AOPEP: variants seen among roughly 807,000 people sequenced by gnomAD.
The protein encoded by AOPEP is aminopeptidase O (putative), also known as aminopeptidase O.
AOPEP carries 77 observed loss-of-function variants against 98.1 expected under a neutral mutation model. The ratio of observed to expected loss-of-function variants is 0.78; its 90% CI spans 0.65 to 0.95. The LOEUF (loss-of-function observed/expected upper bound fraction) is 0.95. Among genes scored for constraint, AOPEP ranks in the 40% least tolerant of loss-of-function variants. AOPEP has a pLI of 0.00. For missense variants in AOPEP, 1,024 were observed against 1,024.7 expected, an observed-to-expected ratio of 1.00 and a Z score of 0.01; for synonymous variants, 346 against 365.3, an observed-to-expected ratio of 0.95 and a Z score of 0.60.
intron 13 of AOPEP, among the ~76,000 whole-genome samples, chr9:95,024,305 C>G (rs2063678409): frequency 6.6e-6 from 1 of 152,188 alleles, no homozygotes; most frequent in African/African-American, 2.4e-5. Context: ...TTTCCATAGT[C>G]CGTGTCCTTG....
chr9:94,912,940 C>A (rs1564369272), intron 5 of AOPEP, among the ~76,000 whole-genome samples: 1 of 152,218 alleles, frequency 6.6e-6, no homozygotes, highest in Non-Finnish European at 1.5e-5. Flanking sequence ...GATATTGTTT[C>A]AAGAAAGGAA....
intron 5 of AOPEP, among the ~76,000 whole-genome samples, chr9:94,851,844 C>T (rs1386684914): frequency 1.3e-5 from 2 of 150,612 alleles, no homozygotes. Flanking sequence ...TGATTCCCAT[C>T]CCTGGAGGTG....
At chr9:94,868,761 C>T (rs568567462) in intron 5 of AOPEP, among the ~76,000 whole-genome samples, 25 of 152,294 alleles carry the variant, frequency 1.6e-4, no homozygotes, top group Non-Finnish European at 3.2e-4. Context: ...GATTTCATTC[C>T]TTTCCCTGCC....
intron 13 of AOPEP, among the ~76,000 whole-genome samples, chr9:95,011,211 A>ATT (rs71366270): frequency 4.4e-5 from 5 of 112,788 alleles, no homozygotes; most frequent in Admixed American, 8.9e-5. Context: ...CTAGCCATTG[A>ATT]TTTTTTTTTT....
intron 13 of AOPEP, among the ~76,000 whole-genome samples, chr9:95,054,550 C>T (rs1244614723): frequency 2.0e-5 from 3 of 152,126 alleles, no homozygotes; most frequent in African/African-American, 7.2e-5. Context: ...AATCTGGAAA[C>T]ATGAGAATTA....
chr9:95,058,568 T>C (rs2067036617), intron 13 of AOPEP, among the ~76,000 whole-genome samples: 1 of 152,188 alleles, frequency 6.6e-6, no homozygotes. Flanking sequence ...GCCAGGCGCC[T>C]GTTGTCCTCG....
chr9:94,809,696 A>G (rs1850044760), intron 5 of AOPEP, among the ~76,000 whole-genome samples: 1 of 152,242 alleles, frequency 6.6e-6, no homozygotes, highest in Admixed American at 6.5e-5. Context: ...CCCAATTCAT[A>G]TATCTATATT....
chr9:95,126,721 A>G, the AOPEP span: 2 of 809,718 alleles, frequency 2.5e-6, no homozygotes, highest in Non-Finnish European at 2.1e-6. Flanking sequence ...AGAACGAACC[A>G]CTGCTGTACT....
chr9:94,992,278 C>T (rs545057321), intron 11 of AOPEP, among the ~76,000 whole-genome samples: 1 of 152,336 alleles, frequency 6.6e-6, no homozygotes, highest in African/African-American at 2.4e-5. Context: ...CTACTTTTCA[C>T]TGGTGCTTGG....
chr9:94,798,750 A>G (rs1342054797), intron 4 of AOPEP, among the ~76,000 whole-genome samples: 1 of 152,222 alleles, frequency 6.6e-6, no homozygotes, highest in African/African-American at 2.4e-5. Context: ...ATACCTGTGT[A>G]AATACATGAG....
intron 9 of AOPEP, among the ~76,000 whole-genome samples, chr9:94,956,672 A>G (rs774967429): frequency 1.4e-4 from 22 of 152,250 alleles, no homozygotes; most frequent in Non-Finnish European, 3.1e-4. Flanking sequence ...TCGTATGGGC[A>G]TGGGGCCAAG....
intron 5 of AOPEP, among the ~76,000 whole-genome samples, chr9:94,815,577 C>A (rs1010664387): frequency 9.9e-5 from 15 of 152,060 alleles, no homozygotes; most frequent in Admixed American, 9.8e-4. Flanking sequence ...TCCTTTGGAG[C>A]TGAAGGCAAT....
chr9:95,131,890 G>A, the AOPEP span, among the ~76,000 whole-genome samples: 1 of 152,086 alleles, frequency 6.6e-6, no homozygotes, highest in African/African-American at 2.4e-5. Flanking sequence ...ATTGCTACCT[G>A]GAGAATGAGG....
chr9:94,770,384 C>T (rs76491653), intron 2 of AOPEP, among the ~76,000 whole-genome samples: 13,519 of 152,160 alleles, frequency 0.089, 713 homozygotes, highest in African/African-American at 0.13. Context: ...TTCTGAGGCT[C>T]GGGAATCTAG....
At chr9:95,144,078 G>C in the AOPEP span, among the ~76,000 whole-genome samples, 3 of 151,904 alleles carry the variant, frequency 2.0e-5, no homozygotes, top group Non-Finnish European at 4.4e-5. Context: ...ACGGGTTAGA[G>C]TGCATTGGTC....
intron 6 of AOPEP, among the ~76,000 whole-genome samples, chr9:94,926,647 G>C (rs2054382132): frequency 6.6e-6 from 1 of 152,212 alleles, no homozygotes; most frequent in Admixed American, 6.5e-5. Context: ...CTGTGGGGCA[G>C]GGGTGGGTGT....
chr9:95,106,119 T>A, the AOPEP span, among the ~76,000 whole-genome samples: 1 of 152,216 alleles, frequency 6.6e-6, no homozygotes, highest in Admixed American at 6.5e-5. Context: ...CCACGCATCC[T>A]CACGGGCGTT....
At chr9:95,079,907 C>T (rs953361048) in intron 14 of AOPEP, among the ~76,000 whole-genome samples, 2 of 152,228 alleles carry the variant, frequency 1.3e-5, no homozygotes, top group African/African-American at 4.8e-5. Flanking sequence ...TCCCCAGACT[C>T]TCAGAAGGGT....
chr9:95,095,547 G>A, the AOPEP span, among the ~76,000 whole-genome samples: 5 of 152,328 alleles, frequency 3.3e-5, no homozygotes, highest in Admixed American at 3.3e-4. Context: ...CATGTGTATT[G>A]AGATACTTTG....
Sources: gnomAD v4.1 joint callset for allele counts (sites outside exome capture counted in the v4.1 genomes callset) on GRCh38, gnomAD v4.1.1 for gene constraint, MANE v1.5 for transcripts, NCBI Gene and HGNC (gene_info 2026-07-23, HGNC 2026-07-21) for gene names.